The following TOPORS variants were observed in gnomAD, a reference collection of about 807,000 sequenced individuals.
TOPORS encodes E3 ubiquitin-protein ligase Topors.
Under a neutral mutation model 81.4 loss-of-function variants are expected in TOPORS, and 25 were observed. The ratio of observed to expected loss-of-function variants is 0.31; its 90% CI spans 0.22 to 0.43. The LOEUF is 0.43. Among genes scored for constraint, TOPORS ranks in the 20% least tolerant of loss-of-function variants. The pLI is 1.00. For missense variants in TOPORS, 1,101 were observed against 1,267.0 expected (o/e 0.87, Z 1.99); for synonymous variants, 473 against 456.6 (o/e 1.04, Z -0.46).
intron 1 of TOPORS, chr9:32,551,890 C>T: frequency 2.6e-6 from 1 of 383,664 alleles, no homozygotes; most frequent in Non-Finnish European, 5.5e-6. Context: ...CAGGGGTTCC[C>T]ACAACGATTT....
In TOPORS at chr9:32,541,593, C is replaced by T; in HGVS notation, c.2932G>A (p.Ala978Thr). 8 of 1,614,184 alleles carry T rather than the reference C, an allele frequency of 5.0e-6. No individual in the cohort carries two copies. Among genetic ancestry groups the T allele is most frequent in the Non-Finnish European group, 6.8e-6 (8 of 1,180,032 alleles). ...IATLSNNLNN[A>T]NKTVDNIPPL... ...GGAATATTATCTACAGTTTTGTTGG[C>T]ATTATTCAAGTTGTTACTAAGTGTG... Residue 978 changes from alanine (A) to threonine (T), a missense_variant, in exon 3 of 3, where the codon GCC (alanine) becomes ACC (threonine). Ala to Thr is a moderately conservative substitution (Grantham distance 58). Around this residue, in one of 9 missense-constraint regions of TOPORS, gnomAD observed 605 missense variants for 636.1 expected, o/e 0.95. Transcript: ENST00000360538.
At chr9:32,551,420 A>G in intron 1 of TOPORS, 1 of 321,714 alleles carries the variant, frequency 3.1e-6, no homozygotes, top group South Asian at 2.6e-5. Context: ...ATCCCAAACC[A>G]GAGCCCAACC....
At position 32,540,834 on chromosome 9, in the gene TOPORS, G is replaced by A. The variant is rs577572754; in HGVS notation, c.*553C>T. The A allele has an allele frequency of 6.6e-6, 1 of 152,084 alleles. No homozygotes were observed. Among genetic ancestry groups the A allele is most frequent in the South Asian group, 2.1e-4 (1 of 4,784 alleles). 9.4% of individuals were successfully genotyped at this position (152,084 alleles called of 1,614,324 possible). On this transcript the variant is annotated 3_prime_UTR_variant, in exon 3 of 3. Coordinates refer to ENST00000360538, the MANE Select transcript of TOPORS (RefSeq NM_005802.5). The stretch of plus-strand genomic sequence containing the variant: ...TTGTTGAATACACATTTGTTTTACT[G>A]GCAGTCCAGATAAACAAGTATATAA...
Position 32,541,960 on chromosome 9 carries a change from G to A in TOPORS, c.2565C>T (p.His855=). The A allele has an allele frequency of 6.2e-7, 1 of 1,612,900 alleles. No homozygotes were observed. The highest frequency in any genetic ancestry group is 8.5e-7 in the Non-Finnish European group (1 of 1,179,800). Residue 855 remains histidine, a synonymous_variant, in exon 3 of 3, where the codon CAC becomes CAT. Coordinates refer to ENST00000360538, the MANE Select transcript of TOPORS (RefSeq NM_005802.5). ...DSRSSDRETK[H]KRRKRKTRSL... ...TCCGGGTCTTCCTTTTTCTCCTTTT[G>A]TGTTTTGTCTCTCTGTCTGATGATC...
At chr9:32,550,197 G>A (rs573005604) in intron 2 of TOPORS, among the ~76,000 whole-genome samples, 1 of 152,228 alleles carries the variant, frequency 6.6e-6, no homozygotes, top group South Asian at 2.1e-4. Flanking sequence ...CCCCCTTCCA[G>A]CCTACAATCA....
At chr9:32,550,655 C>G (rs931360185) in intron 2 of TOPORS, 119 bp downstream of exon 2, 1 of 1,180,954 alleles carries the variant, frequency 8.5e-7, no homozygotes, top group Non-Finnish European at 1.2e-6. Context: ...CGCCGAGGCC[C>G]GGACAGCCCC....
In TOPORS at chr9:32,543,229, G is replaced by A. The variant is rs1241988360; in HGVS notation, c.1296C>T (p.His432=). The A allele has an allele frequency of 2.2e-5, 36 of 1,613,374 alleles. No individual in the cohort carries two copies. Among genetic ancestry groups the A allele is most frequent in the African/African-American group, 1.3e-4 (10 of 74,910 alleles). The change falls in exon 3 of 3, where the codon CAC becomes CAT. Residue 432 remains histidine (H), a synonymous_variant. Transcript: ENST00000360538. The surrounding 1 kb of genome is among the most constrained non-coding windows in gnomAD (Gnocchi z 5.6). The stretch of plus-strand genomic sequence containing the variant: ...TATTTAAAAGAGAAGACATAGTAAC[G>A]TGTACCTGCTCTGAGCTTGAGTAAG... ...GPSYSSSEQV[H]VTMSSLLNTS...
chr9:32,541,249 A>C lies in TOPORS; in HGVS notation c.*138T>G. ...TAATGATTTTTACAAATTAACACCA[A>C]AAAAAAAATCATTTAAAATATTGTA... is the stretch of plus-strand genomic sequence containing the variant. On this transcript the variant is annotated 3_prime_UTR_variant, in exon 3 of 3. Transcript: ENST00000360538. The C allele has an allele frequency of 1.1e-6, 1 of 898,370 alleles. No homozygotes were observed. The highest frequency in any genetic ancestry group is 1.9e-5 in the African/African-American group (1 of 51,956). 55.6% of individuals were successfully genotyped at this position (898,370 alleles called of 1,614,324 possible). A position where few individuals can be genotyped will look rare whatever the true frequency, so the allele number is the denominator to read the frequency against.
chr9:32,544,975 G>A (rs1416159402), intron 2 of TOPORS, among the ~76,000 whole-genome samples: 1 of 152,178 alleles, frequency 6.6e-6, no homozygotes, highest in African/African-American at 2.4e-5. Flanking sequence ...CAACTTTGGT[G>A]ACATAACTTA....
intron 1 of TOPORS, 68 bp downstream of exon 1, chr9:32,552,365 AC>A: frequency 2.5e-6 from 4 of 1,588,268 alleles, no homozygotes; most frequent in South Asian, 1.1e-5. Context: ...CCTGGCAGCC[AC>A]CGCCTGGGAG....
chr9:32,548,312 T>C (rs1017798592), intron 2 of TOPORS, among the ~76,000 whole-genome samples: 1 of 149,926 alleles, frequency 6.7e-6, no homozygotes, highest in Non-Finnish European at 1.5e-5. Flanking sequence ...TCACCTGAGG[T>C]CGGGAGTTCG....
At chr9:32,551,731 G>A in intron 1 of TOPORS, 2 of 424,930 alleles carry the variant, frequency 4.7e-6, no homozygotes, top group Non-Finnish European at 9.7e-6. Flanking sequence ...TCGGGGCTTA[G>A]TATCTCACGC....
chr9:32,552,175 A>AG, intron 1 of TOPORS: 1 of 29,292 alleles, frequency 3.4e-5, no homozygotes, highest in Admixed American at 4.1e-4. Context: ...CTTAGTTGGC[A>AG]AAAAAAAAAA....
Position 32,542,765 on chromosome 9 carries a change from T to C in TOPORS, c.1760A>G (p.Tyr587Cys). 6.2e-7 allele frequency: 1 copy of C among 1,614,082 alleles called. No homozygotes were observed. The highest frequency in any genetic ancestry group is 8.5e-7 in the Non-Finnish European group (1 of 1,180,040). The part of the protein sequence containing the change: ...SVRGDRVYSP[Y>C]NHRHRKRGRS... ...TCCCCTCTTTCTGTGTCTATGGTTA[T>C]ATGGAGAATATACTCTGTCTCCTCT... The change falls in exon 3 of 3, where the codon TAT becomes TGT. Residue 587 changes from tyrosine to cysteine, a missense_variant. Physicochemically the swap from Tyr to Cys is radical, Grantham distance 194. Around this residue, in one of 9 missense-constraint regions of TOPORS, gnomAD observed 605 missense variants for 636.1 expected, o/e 0.95. Coordinates refer to ENST00000360538, the MANE Select transcript of TOPORS (RefSeq NM_005802.5).
rs868351393 is a variant in TOPORS, at chr9:32,541,901, G to A, written c.2624C>T (p.Ala875Val). 5 of 1,613,766 alleles carry A rather than the reference G, an allele frequency of 3.1e-6. No homozygotes were observed. The Admixed American group carries it at 5.0e-5, about 16-fold the overall frequency. The change falls in exon 3 of 3, where the codon GCT becomes GTT. Residue 875 changes from alanine to valine, a missense_variant. Physicochemically the swap from Ala to Val is moderately conservative, Grantham distance 64 (BLOSUM62 0). Around this residue, in one of 9 missense-constraint regions of TOPORS, gnomAD observed 605 missense variants for 636.1 expected, o/e 0.95. Transcript: ENST00000360538. ...LSVEIVYEGK[A>V]TDTTKHHKKK... ...TTTATGGTGTTTAGTTGTATCAGTA[G>A]CTTTTCCTTCATAAACTATCTCTAC... is the stretch of plus-strand genomic sequence containing the variant.
At chr9:32,550,683 C>A (rs1332348527) in intron 2 of TOPORS, 91 bp downstream of exon 2, 1 of 1,491,006 alleles carries the variant, frequency 6.7e-7, no homozygotes, top group South Asian at 1.2e-5. Flanking sequence ...ATGACCGCAA[C>A]CCTCGGGTCC....
rs1220257103 is a variant in TOPORS at position 32,541,828 on chromosome 9, A to G, written c.2697T>C (p.Asp899=). 1 of 1,614,042 alleles carries G rather than the reference A, an allele frequency of 6.2e-7. No individual in the cohort carries two copies. Among genetic ancestry groups the G allele is most frequent in the East Asian group, 2.2e-5 (1 of 44,898 alleles). The change falls in exon 3 of 3, where the codon GAT becomes GAC. Residue 899 remains aspartate (D), a synonymous_variant. Transcript: ENST00000360538. ...HKKKHKKHHG[D]NASRSPVVIT... ...TTACAACTGGGGAACGTGAAGCATT[A>G]TCTCCATGGTGTTTCTTATGCTTCT... is the stretch of plus-strand genomic sequence containing the variant.
rs745448839 is a variant in TOPORS at position 32,550,786 on chromosome 9, C to G, written c.186G>C (p.Pro62=). The G allele has an allele frequency of 1.2e-6, 2 of 1,612,886 alleles. No individual in the cohort carries two copies. The highest frequency in any genetic ancestry group is 1.7e-5 in the Admixed American group (1 of 60,000). Residue 62 remains proline (P), a synonymous_variant, in exon 2 of 3, where the codon CCG becomes CCC. Transcript: ENST00000360538. ...LAASAPARPA[P]ASSEIMASAA... ...GAATCTCACTCACCTCGGAGGATGC[C>G]GGCGCAGGCCTGGCTGGGGCGCTCG...
At chr9:32,544,772 C>T (rs990763836) in intron 2 of TOPORS, among the ~76,000 whole-genome samples, 15 of 151,878 alleles carry the variant, frequency 9.9e-5, no homozygotes, top group African/African-American at 2.9e-4. Flanking sequence ...GTACCAAATA[C>T]CCATGTATCC....
Sources: gnomAD v4.1 joint callset for allele counts (sites outside exome capture counted in the v4.1 genomes callset) on GRCh38, gnomAD v4.1.1 for gene constraint, gnomAD v4.1.1 regional missense constraint, Gnocchi (gnomAD v3.1) non-coding constraint, MANE v1.5 for transcripts, NCBI Gene and HGNC (gene_info 2026-07-23, HGNC 2026-07-21) for gene names.